Variants in HOATZ observed in about 807,000 individuals in gnomAD.
HOATZ encodes cilia- and flagella-associated protein HOATZ.
HOATZ carries 26 observed loss-of-function variants against 24.9 expected under a neutral mutation model. That is an observed-to-expected ratio of 1.04 (90% CI 0.76 to 1.45). HOATZ has a LOEUF of 1.45. Ranked by LOEUF, HOATZ falls within the 40% of genes most tolerant of loss-of-function variation. HOATZ has a pLI of 0.00. For synonymous variants in HOATZ, 83 were observed against 76.6 expected (o/e 1.08, Z -0.43); for missense variants, 226 against 201.5 (o/e 1.12, Z -0.74).
intron 3 of HOATZ, among the ~76,000 whole-genome samples, chr11:111,516,974 G>A (rs1243933829): frequency 6.6e-6 from 1 of 152,272 alleles, no homozygotes; most frequent in African/African-American, 2.4e-5. Flanking sequence ...TTTGATTAAT[G>A]TATAAATTAT....
At chr11:111,521,322 T>C (rs150746544) in intron 3 of HOATZ, among the ~76,000 whole-genome samples, 24 of 152,360 alleles carry the variant, frequency 1.6e-4, no homozygotes, top group Non-Finnish European at 3.2e-4. Context: ...TTATCAACTG[T>C]TGGATTATCA....
intron 3 of HOATZ, among the ~76,000 whole-genome samples, chr11:111,523,205 C>CTTTTTTTTTTTTT (rs747393521): frequency 4.2e-5 from 4 of 94,252 alleles, no homozygotes; most frequent in Non-Finnish European, 6.5e-5. Flanking sequence ...TAAGTGTTCA[C>CTTTTTTTTTTTTT]TTTTTTTTTT....
At chr11:111,528,715 T>C (rs1283251662) in intron 3 of HOATZ, among the ~76,000 whole-genome samples, 1 of 152,248 alleles carries the variant, frequency 6.6e-6, no homozygotes, top group Admixed American at 6.5e-5. Flanking sequence ...AGAATGTTTC[T>C]GTGAGAGCAG....
At position 111,534,440 on chromosome 11, in the gene HOATZ, C is replaced by T. The variant is rs749262432; in HGVS notation, c.428C>T (p.Pro143Leu). 2 of 1,611,012 alleles carry T rather than the reference C, an allele frequency of 1.2e-6. No individual in the cohort carries two copies. The highest frequency in any genetic ancestry group is 1.3e-5 in the African/African-American group (1 of 74,770). ...SKELISLPYKPKAKEHKAKKV... is the reference protein window; with the variant it reads ...SKELISLPYKLKAKEHKAKKV... ...GAACTGATTTCCCTTCCGTATAAACCAAAAGCCAAAGAACACAAAGCAAAG... is the reference window on the plus strand; with the variant it reads ...GAACTGATTTCCCTTCCGTATAAACTAAAAGCCAAAGAACACAAAGCAAAG... Residue 143 changes from proline (P) to leucine (L), a missense_variant, in exon 5 of 6, where the codon CCA (proline) becomes CTA (leucine). By Grantham distance (98) the Pro-to-Leu change is moderately conservative. Coordinates refer to ENST00000375618, the MANE Select transcript of HOATZ (RefSeq NM_001100388.2).
chr11:111,519,217 C>A (rs1287782197), intron 3 of HOATZ: 1 of 250,970 alleles, frequency 4.0e-6, no homozygotes, highest in Non-Finnish European at 8.2e-6. Context: ...CACAGTTTAC[C>A]CTCAACAAAT....
intron 3 of HOATZ, among the ~76,000 whole-genome samples, chr11:111,520,228 T>C (rs998762436): frequency 1.3e-5 from 2 of 152,212 alleles, no homozygotes; most frequent in East Asian, 1.9e-4. Context: ...ATTTGCTTTT[T>C]AGTTTTGCCG....
chr11:111,517,697 C>T (rs538688656), intron 3 of HOATZ, among the ~76,000 whole-genome samples: 1 of 152,210 alleles, frequency 6.6e-6, no homozygotes, highest in South Asian at 2.1e-4. Flanking sequence ...GATATATGCA[C>T]ATAATACTAT....
chr11:111,515,131 A>AAT, intron 1 of HOATZ, 121 bp downstream of exon 1: 1 of 671,704 alleles, frequency 1.5e-6, no homozygotes, highest in Non-Finnish European at 2.6e-6. Flanking sequence ...AGTACATACA[A>AAT]ATGCATGTAT....
chr11:111,520,370 T>C (rs1012984211), intron 3 of HOATZ, among the ~76,000 whole-genome samples: 4 of 151,268 alleles, frequency 2.6e-5, no homozygotes, highest in African/African-American at 9.6e-5. Context: ...TTGGAAATGA[T>C]CTGTATTCAA....
chr11:111,516,146 T>A (rs1181654035), intron 3 of HOATZ, 36 bp downstream of exon 3: 10 of 1,280,344 alleles, frequency 7.8e-6, no homozygotes, highest in Non-Finnish European at 1.1e-5. Context: ...CTGATCATCA[T>A]TAAATTTCTA....
intron 3 of HOATZ, among the ~76,000 whole-genome samples, chr11:111,530,237 C>G (rs911728202): frequency 1.3e-5 from 2 of 152,222 alleles, no homozygotes; most frequent in Non-Finnish European, 2.9e-5. Flanking sequence ...TCACGAAGCT[C>G]TAACTTACAT....
At chr11:111,526,598 A>C (rs1378414763) in intron 3 of HOATZ, 2 of 149,804 alleles carry the variant, frequency 1.3e-5, no homozygotes, top group Non-Finnish European at 3.0e-5. Context: ...TTAGATGAAG[A>C]TCAGGTTTGG....
chr11:111,520,994 G>A (rs534898040), intron 3 of HOATZ, among the ~76,000 whole-genome samples: 19 of 152,198 alleles, frequency 1.2e-4, no homozygotes, highest in African/African-American at 3.9e-4. Flanking sequence ...TCTAGGATTC[G>A]GTAGCATCCG....
At chr11:111,515,792 T>C (rs1867188113) in intron 2 of HOATZ, among the ~76,000 whole-genome samples, 1 of 152,232 alleles carries the variant, frequency 6.6e-6, no homozygotes, top group African/African-American at 2.4e-5. Flanking sequence ...TTCGAGACTT[T>C]TTCTTGTCTC....
At chr11:111,522,385 A>C (rs1434944069) in intron 3 of HOATZ, among the ~76,000 whole-genome samples, 1 of 152,198 alleles carries the variant, frequency 6.6e-6, no homozygotes, top group Admixed American at 6.5e-5. Flanking sequence ...TTATTGAAGA[A>C]CTGGAATGAT....
At chr11:111,536,618 T>C in intron 5 of HOATZ, 152 bp from the exon 6 acceptor site, 1 of 619,424 alleles carries the variant, frequency 1.6e-6, no homozygotes, top group East Asian at 2.8e-5. Flanking sequence ...TTCTCTCACA[T>C]ACAAGTTTAT....
chr11:111,528,989 G>A (rs1215385546), intron 3 of HOATZ, among the ~76,000 whole-genome samples: 1 of 152,148 alleles, frequency 6.6e-6, no homozygotes, highest in Non-Finnish European at 1.5e-5. Context: ...TTTTTACGTG[G>A]TTTAGTTTCT....
chr11:111,516,560 A>AT (rs975219080), intron 3 of HOATZ, among the ~76,000 whole-genome samples: 26 of 151,708 alleles, frequency 1.7e-4, no homozygotes, highest in Non-Finnish European at 3.0e-4. Flanking sequence ...AAAAAAAAAA[A>AT]TTTTTAATTT....
chr11:111,530,985 G>C (rs1246949307), intron 3 of HOATZ, among the ~76,000 whole-genome samples: 2 of 151,930 alleles, frequency 1.3e-5, no homozygotes, highest in African/African-American at 2.4e-5. Context: ...ATATTTAAAG[G>C]CACCAAAGTC....
Sources: allele counts gnomAD v4.1 joint callset (sites outside exome capture counted in the v4.1 genomes callset), GRCh38; gene constraint gnomAD v4.1.1; transcripts MANE v1.5; gene names NCBI Gene and HGNC (gene_info 2026-07-23, HGNC 2026-07-21).